LPCAT3: variants seen among roughly 807,000 people sequenced by gnomAD.
LPCAT3 encodes the protein lysophosphatidylcholine acyltransferase 3, also known as lysophospholipid acyltransferase 5.
A neutral mutation model predicts 63.4 loss-of-function variants in LPCAT3; 21 were observed. The observed-to-expected ratio is 0.33, with a 90% confidence interval of 0.23 to 0.48. The LOEUF (loss-of-function observed/expected upper bound fraction) is 0.48, where lower values mean the gene tolerates loss of function less well. Ranked by LOEUF, LPCAT3 falls within the 20% of genes least tolerant of loss-of-function variation. LPCAT3 has a pLI of 0.99. For synonymous variants in LPCAT3, 242 were observed against 227.5 expected (o/e 1.06, Z -0.58); for missense variants, 451 against 590.6 (o/e 0.76, Z 2.45).
At chr12:6,983,675 A>G (rs1946494618) in intron 1 of LPCAT3, 136 bp from the exon 2 acceptor site, 1 of 622,332 alleles carries the variant, frequency 1.6e-6, no homozygotes, top group Non-Finnish European at 2.9e-6. Context: ...ATGGATGGCA[A>G]CAGAGAAGGC....
rs782515517 is a variant in LPCAT3 at position 7,018,266 on chromosome 12, G to T, written c.151+8C>A. 1.3e-6 allele frequency: 2 copies of T among 1,594,630 alleles called. No homozygotes were observed. The highest frequency in any genetic ancestry group is 3.5e-5 in the Admixed American group (2 of 56,572). On this transcript the variant is annotated splice_region_variant and intron_variant, in intron 1 of 12. Coordinates refer to ENST00000261407, the MANE Select transcript of LPCAT3 (RefSeq NM_005768.6). This position sits in a 1 kb window ranked among gnomAD's most constrained non-coding sequence, Gnocchi z 4.9. ...GCGAGGGGCGGAGGGAGGCAGGAGG[G>T]TCCTTACCCAGGAAGATGGAGATGA...
At chr12:6,978,833 T>G (rs1946438459) in intron 7 of LPCAT3, 144 bp from the exon 8 acceptor site, 3 of 1,167,288 alleles carry the variant, frequency 2.6e-6, no homozygotes, top group African/African-American at 3.1e-5. Context: ...CTGGCCTGAT[T>G]GCCTTCACAA....
chr12:6,979,663 T>C, intron 6 of LPCAT3, 84 bp from the exon 7 acceptor site: 1 of 901,986 alleles, frequency 1.1e-6, no homozygotes, highest in East Asian at 2.5e-5. Context: ...TGGAGAGGAG[T>C]GTTTAGGGGT....
intron 6 of LPCAT3, chr12:6,979,788 T>G: frequency 3.4e-6 from 2 of 580,220 alleles, no homozygotes; most frequent in Non-Finnish European, 6.2e-6. Flanking sequence ...CTCTTAAGAG[T>G]TGTAGGAAAG....
chr12:7,011,510 A>C (rs1311855140), intron 1 of LPCAT3, among the ~76,000 whole-genome samples: 1 of 152,020 alleles, frequency 6.6e-6, no homozygotes, highest in African/African-American at 2.4e-5. Flanking sequence ...TTAGCCAGGC[A>C]TGGTGGCTCA....
In LPCAT3 at chr12:6,982,764, G is replaced by A. The variant is rs1946484003; in HGVS notation, c.278C>T (p.Ser93Phe). ...GAACTGAAGCACAATACACAGCAGG[G>A]AGTGGTAGAGCTGGTTTCCTGGATG... Reference protein sequence around the residue: ...YFNFGNQLYHSLLCIVLQFLI... With the variant: ...YFNFGNQLYHFLLCIVLQFLI... The change falls in exon 3 of 13, where the codon TCC becomes TTC. Residue 93 changes from serine (S) to phenylalanine (F), a missense_variant. Transcript: ENST00000261407. 6.2e-7 allele frequency: 1 copy of A among 1,613,354 alleles called. No homozygotes were observed. The highest frequency in any genetic ancestry group is 1.7e-5 in the Admixed American group (1 of 59,982).
At chr12:7,010,981 G>A (rs2138360932) in intron 1 of LPCAT3, among the ~76,000 whole-genome samples, 1 of 152,184 alleles carries the variant, frequency 6.6e-6, no homozygotes, top group Middle Eastern at 3.4e-3. Context: ...GGGACTACAG[G>A]TGCATGCCAT....
At chr12:7,016,265 A>AT (rs1309527263) in intron 1 of LPCAT3, among the ~76,000 whole-genome samples, 1 of 148,656 alleles carries the variant, frequency 6.7e-6, no homozygotes, top group Admixed American at 6.7e-5. Context: ...CGCCCAGCTC[A>AT]TTTTTTTATT....
intron 1 of LPCAT3, among the ~76,000 whole-genome samples, chr12:7,015,686 G>T (rs1423886130): frequency 6.6e-6 from 1 of 152,160 alleles, no homozygotes; most frequent in Middle Eastern, 3.2e-3. Flanking sequence ...ATTACTGAAG[G>T]CAACAGGGTA....
At chr12:7,016,995 C>T (rs1946801174) in intron 1 of LPCAT3, among the ~76,000 whole-genome samples, 1 of 152,166 alleles carries the variant, frequency 6.6e-6, no homozygotes, top group Admixed American at 6.5e-5. Flanking sequence ...TGAATTAATG[C>T]CTATCCCATT....
intron 7 of LPCAT3, chr12:6,979,181 T>C: frequency 2.3e-6 from 1 of 441,296 alleles, no homozygotes; most frequent in Admixed American, 3.9e-5. Context: ...GAAGCTGCTG[T>C]GCTCTGAGGG....
In LPCAT3 at chr12:6,977,484, C is replaced by T; in HGVS notation, c.1230G>A (p.Leu410=). The T allele has an allele frequency of 6.2e-7, 1 of 1,614,192 alleles. No individual in the cohort carries two copies. The highest frequency in any genetic ancestry group is 8.5e-7 in the Non-Finnish European group (1 of 1,180,038). The change falls in exon 11 of 13, where the codon CTG becomes CTA. Residue 410 remains leucine, a synonymous_variant. Coordinates refer to ENST00000261407, the MANE Select transcript of LPCAT3 (RefSeq NM_005768.6). The surrounding 1 kb of genome is among the most constrained non-coding windows in gnomAD (Gnocchi z 4.5). ...AGGGCTGGAGGACAGTAATGGCGGC[C>T]AGCTTGCTCAGGGTGGGGCTCTCTT... ...LIQESPTLSK[L]AAITVLQPFY... is the part of the protein sequence containing the mutation.
intron 1 of LPCAT3, chr12:7,001,549 C>CGGTGTT (rs1946687858): frequency 2.2e-6 from 1 of 455,532 alleles, no homozygotes; most frequent in Non-Finnish European, 4.4e-6. Flanking sequence ...TTATTTGGCG[C>CGGTGTT]GGTGTTGGTG....
At chr12:6,985,771 GTT>G (rs1220627223) in intron 1 of LPCAT3, among the ~76,000 whole-genome samples, 4 of 135,640 alleles carry the variant, frequency 2.9e-5, no homozygotes, top group Admixed American at 7.4e-5. Flanking sequence ...ATCAACTGGT[GTT>G]TTTTTTTTTT....
chr12:6,988,941 T>G (rs782213650), intron 1 of LPCAT3, among the ~76,000 whole-genome samples: 8 of 151,984 alleles, frequency 5.3e-5, no homozygotes, highest in African/African-American at 9.7e-5. Context: ...AGCCTCAACA[T>G]GGAGAAACCC....
intron 1 of LPCAT3, among the ~76,000 whole-genome samples, chr12:7,016,436 C>T (rs1221567706): frequency 2.6e-5 from 4 of 152,022 alleles, no homozygotes; most frequent in Admixed American, 2.0e-4. Flanking sequence ...ACCACCATGC[C>T]CAGCTAATTT....
chr12:6,978,757 C>T (rs1946437831), intron 7 of LPCAT3, 68 bp from the exon 8 acceptor site: 1 of 1,586,480 alleles, frequency 6.3e-7, no homozygotes, highest in Non-Finnish European at 8.6e-7. Flanking sequence ...AGCACTCTTC[C>T]TTTTCACACT....
Position 6,989,943 on chromosome 12 carries a change from C to T in LPCAT3, c.152-6404G>A, listed in dbSNP as rs12227006. On this transcript the variant is annotated intron_variant, in intron 1 of 12. Coordinates refer to ENST00000261407, the MANE Select transcript of LPCAT3 (RefSeq NM_005768.6). ...ATCCCAGTGCTTTGGGAGGCTGAGA[C>T]GGGAGAATCACTGGAACCCAGGAGT... 8.2e-4 allele frequency among the ~76,000 whole-genome samples: 125 copies of T among 151,782 alleles called. 2 individuals are homozygous for T. In the East Asian group the frequency reaches 0.024, roughly 29 times the overall value.
intron 1 of LPCAT3, chr12:6,997,419 G>GTGTC (rs1320231319): frequency 6.8e-6 from 1 of 147,798 alleles, no homozygotes; most frequent in Non-Finnish European, 1.4e-5. Flanking sequence ...GTGTGTGTGT[G>GTGTC]TGTGTGTGTT....
Sources: gnomAD v4.1 joint callset for allele counts (sites outside exome capture counted in the v4.1 genomes callset) on GRCh38, gnomAD v4.1.1 for gene constraint, Gnocchi (gnomAD v3.1) non-coding constraint, MANE v1.5 for transcripts, NCBI Gene and HGNC (gene_info 2026-07-23, HGNC 2026-07-21) for gene names.